Variants in CIST1 observed in about 807,000 individuals in gnomAD.
CIST1 encodes colon, intestine and stomach enriched 1.
the CIST1 span, chr19:18,251,986 C>T: frequency 1.0e-5 from 4 of 398,098 alleles, no homozygotes; most frequent in Non-Finnish European, 1.8e-5. Flanking sequence ...CTGTACCTCC[C>T]CCTGGTGGTC....
the CIST1 span, among the ~76,000 whole-genome samples, chr19:18,252,905 C>T: frequency 4.6e-5 from 7 of 152,158 alleles, no homozygotes; most frequent in Non-Finnish European, 1.0e-4. Flanking sequence ...TCATGCCCAG[C>T]CTTTTCATTT....
At chr19:18,255,317 G>A in the CIST1 span, 7 of 399,000 alleles carry the variant, frequency 1.8e-5, no homozygotes, top group Non-Finnish European at 2.2e-5. The surrounding 1 kb of genome is among the most constrained non-coding windows in gnomAD (Gnocchi z 4.6). Context: ...TTCCTGCGCC[G>A]GGAGGGCCTG....
the CIST1 span, among the ~76,000 whole-genome samples, chr19:18,251,353 T>G: frequency 6.6e-6 from 1 of 151,640 alleles, no homozygotes; most frequent in African/African-American, 2.4e-5. Flanking sequence ...CTTGAACTCC[T>G]GACCTCAGGT....
the CIST1 span, among the ~76,000 whole-genome samples, chr19:18,251,250 C>T: frequency 6.6e-6 from 1 of 151,680 alleles, no homozygotes; most frequent in African/African-American, 2.4e-5. Context: ...CTCAGCCTCC[C>T]AAGTAGCCCG....
At chr19:18,252,822 G>A in the CIST1 span, among the ~76,000 whole-genome samples, 1 of 152,170 alleles carries the variant, frequency 6.6e-6, no homozygotes, top group Non-Finnish European at 1.5e-5. Flanking sequence ...GGCCAGATTT[G>A]TCTCGAACTT....
At chr19:18,253,068 C>T in the CIST1 span, among the ~76,000 whole-genome samples, 1 of 152,202 alleles carries the variant, frequency 6.6e-6, no homozygotes, top group Admixed American at 6.5e-5. Context: ...TGCAGATCAG[C>T]GTTCCCAGTC....
the CIST1 span, chr19:18,252,503 G>A: frequency 3.5e-5 from 14 of 398,934 alleles, no homozygotes; most frequent in African/African-American, 1.4e-4. Flanking sequence ...GGTGGCTCAC[G>A]CCTGTAATTC....
the CIST1 span, chr19:18,250,330 G>C: frequency 7.5e-6 from 3 of 399,008 alleles, no homozygotes; most frequent in Non-Finnish European, 1.3e-5. Flanking sequence ...CCTCGTCCAG[G>C]TTCTCAAACT....
At chr19:18,250,598 G>A in the CIST1 span, 13 of 396,344 alleles carry the variant, frequency 3.3e-5, no homozygotes, top group Admixed American at 1.8e-4. Flanking sequence ...TCCAGTTGAG[G>A]CTGCCACTTT....
chr19:18,252,481 A>AAAACATCATTGG, the CIST1 span: 13,675 of 398,992 alleles, frequency 0.034, 1,631 homozygotes, highest in African/African-American at 0.25. Flanking sequence ...TCTGGAAAGA[A>AAAACATCATTGG]AAACTGGGCG....
chr19:18,250,602 C>A, the CIST1 span: 1 of 395,966 alleles, frequency 2.5e-6, no homozygotes, highest in East Asian at 3.6e-5. Flanking sequence ...GTTGAGGCTG[C>A]CACTTTTTAA....
At chr19:18,250,669 C>G in the CIST1 span, among the ~76,000 whole-genome samples, 1 of 151,812 alleles carries the variant, frequency 6.6e-6, no homozygotes, top group East Asian at 1.9e-4. Context: ...TGCAGTAGTG[C>G]AATCACAGCT....
At chr19:18,255,298 G>A in the CIST1 span, 4 of 399,284 alleles carry the variant, frequency 1.0e-5, no homozygotes, top group Non-Finnish European at 1.8e-5. The surrounding 1 kb of genome is among the most constrained non-coding windows in gnomAD (Gnocchi z 4.6). Context: ...GGCAGCTGGG[G>A]GCACGCCATT....
chr19:18,255,258 A>C, the CIST1 span: 1 of 398,918 alleles, frequency 2.5e-6, no homozygotes, highest in Admixed American at 4.4e-5. This position sits in a 1 kb window ranked among gnomAD's most constrained non-coding sequence, Gnocchi z 4.6. Flanking sequence ...AGCTTTCAGC[A>C]GCACCACCAG....
chr19:18,250,638 A>G, the CIST1 span, among the ~76,000 whole-genome samples: 5 of 151,840 alleles, frequency 3.3e-5, no homozygotes. Flanking sequence ...ACAGGGTCTC[A>G]CTCTGTCACC....
the CIST1 span, among the ~76,000 whole-genome samples, chr19:18,251,627 G>T: frequency 0.2 from 28,363 of 144,240 alleles, 3,335 homozygotes; most frequent in Non-Finnish European, 0.26. Context: ...TAGAGACGGG[G>T]TTTCACCATT....
At chr19:18,252,837 C>T in the CIST1 span, among the ~76,000 whole-genome samples, 19 of 152,184 alleles carry the variant, frequency 1.2e-4, no homozygotes, top group Non-Finnish European at 2.1e-4. Context: ...GAACTTCTGA[C>T]CTCAGATGAT....
chr19:18,253,810 G>A, the CIST1 span, among the ~76,000 whole-genome samples: 3 of 152,340 alleles, frequency 2.0e-5, no homozygotes, highest in East Asian at 5.8e-4. Flanking sequence ...CAGGGACCAG[G>A]CTGAGGGCAG....
chr19:18,251,011 G>C, the CIST1 span, among the ~76,000 whole-genome samples: 5 of 152,030 alleles, frequency 3.3e-5, no homozygotes, highest in African/African-American at 1.2e-4. Flanking sequence ...CATTGGCTCA[G>C]GTGATCCACC....
Sources: gnomAD v4.1 joint callset for allele counts (sites outside exome capture counted in the v4.1 genomes callset) on GRCh38, gnomAD v4.1.1 for gene constraint, Gnocchi (gnomAD v3.1) non-coding constraint, MANE v1.5 for transcripts, NCBI Gene and HGNC (gene_info 2026-07-23, HGNC 2026-07-21) for gene names.